USP49: variants seen among roughly 807,000 people sequenced by gnomAD.
USP49 encodes ubiquitin specific peptidase 49, also known as ubiquitin carboxyl-terminal hydrolase 49.
A neutral mutation model predicts 58.6 loss-of-function variants in USP49; 24 were observed. The ratio of observed to expected loss-of-function variants is 0.41; its 90% confidence interval spans 0.30 to 0.58. USP49 has a LOEUF of 0.58. USP49 is among the 20% of genes least tolerant of loss of function. The probability of loss-of-function intolerance (pLI) is 0.30; values close to 1 mark genes in which losing one functional copy is unlikely to be tolerated. For missense variants in USP49, 703 were observed against 866.1 expected (o/e 0.81, Z 2.36); for synonymous variants, 408 against 365.1 (o/e 1.12, Z -1.34).
chr6:41,862,809 T>C (rs1774246134), intron 3 of USP49, among the ~76,000 whole-genome samples: 1 of 152,230 alleles, frequency 6.6e-6, no homozygotes, highest in Non-Finnish European at 1.5e-5. Flanking sequence ...AGAGTCACTC[T>C]GTCGCCCAGA....
At chr6:41,862,353 G>A (rs576566371) in intron 3 of USP49, among the ~76,000 whole-genome samples, 1 of 152,120 alleles carries the variant, frequency 6.6e-6, no homozygotes, top group Non-Finnish European at 1.5e-5. Flanking sequence ...CTTTAAATAT[G>A]TTTCAATAGG....
intron 2 of USP49, among the ~76,000 whole-genome samples, chr6:41,872,675 G>C (rs1229605905): frequency 6.6e-6 from 1 of 151,142 alleles, no homozygotes; most frequent in African/African-American, 2.4e-5. Flanking sequence ...GAGACGGGCG[G>C]ATCATGAGGT....
chr6:41,854,040 G>A (rs1266704221), intron 3 of USP49, among the ~76,000 whole-genome samples: 1 of 147,664 alleles, frequency 6.8e-6, no homozygotes, highest in Non-Finnish European at 1.5e-5. Flanking sequence ...GGGTAGGCCA[G>A]GAGGGGTGGC....
chr6:41,881,609 T>C (rs1774610283), intron 2 of USP49, among the ~76,000 whole-genome samples: 1 of 152,136 alleles, frequency 6.6e-6, no homozygotes, highest in African/African-American at 2.4e-5. Flanking sequence ...GGCGTGGCTT[T>C]GTTTGAAAAA....
At chr6:41,890,109 T>C (rs1298350342) in intron 2 of USP49, among the ~76,000 whole-genome samples, 1 of 152,142 alleles carries the variant, frequency 6.6e-6, no homozygotes, top group Non-Finnish European at 1.5e-5. Flanking sequence ...AATGAGTGGA[T>C]CAGCTGGGCA....
intron 7 of USP49, chr6:41,798,305 G>T: frequency 5.4e-6 from 1 of 185,862 alleles, no homozygotes; most frequent in Non-Finnish European, 1.1e-5. Flanking sequence ...TAAGAGTCTT[G>T]CTCTGTCACC....
At chr6:41,874,970 A>AAG (rs1014925068) in intron 2 of USP49, among the ~76,000 whole-genome samples, 1 of 151,764 alleles carries the variant, frequency 6.6e-6, no homozygotes, top group South Asian at 2.1e-4. Context: ...TAAAAAAAGA[A>AAG]AGAGAGAGAG....
At chr6:41,819,918 T>C (rs968410661) in intron 3 of USP49, among the ~76,000 whole-genome samples, 1 of 152,196 alleles carries the variant, frequency 6.6e-6, no homozygotes, top group African/African-American at 2.4e-5. Flanking sequence ...AGGCTGCAGT[T>C]AGCCAAATCA....
intron 3 of USP49, among the ~76,000 whole-genome samples, chr6:41,812,102 G>A (rs888188965): frequency 4.6e-5 from 7 of 150,636 alleles, no homozygotes; most frequent in Non-Finnish European, 1.0e-4. Flanking sequence ...TTTTTCAGAC[G>A]GAGTTTCGCT....
At chr6:41,860,746 G>A (rs371582792) in intron 3 of USP49, among the ~76,000 whole-genome samples, 7 of 152,058 alleles carry the variant, frequency 4.6e-5, no homozygotes, top group South Asian at 2.1e-4. Context: ...TCCTCACCTC[G>A]TGATCCACCT....
chr6:41,882,584 T>C (rs1005584753), intron 2 of USP49, among the ~76,000 whole-genome samples: 7 of 152,048 alleles, frequency 4.6e-5, no homozygotes, highest in South Asian at 2.1e-4. Context: ...TAAAAAATGA[T>C]GGATGTGACT....
rs181613052 is a variant in USP49, at chr6:41,849,058, T to A, written c.-29+22506A>T. 5.2e-3 allele frequency among the ~76,000 whole-genome samples: 790 copies of A among 152,262 alleles called. 4 individuals carry two copies. Among genetic ancestry groups the A allele is most frequent in the South Asian group, 0.014 (66 of 4,832 alleles). ...CTGGAGTTAAAAAAGGATCCAACTA[T>A]ATGCTGTCTACAAGAGACTCACTTT... On this transcript the variant is annotated intron_variant, in intron 3 of 7. Transcript: ENST00000682992.
At chr6:41,800,255 C>A (rs1026303990) in intron 5 of USP49, among the ~76,000 whole-genome samples, 4 of 152,100 alleles carry the variant, frequency 2.6e-5, no homozygotes, top group African/African-American at 9.7e-5. Context: ...CCTCCTGGAC[C>A]AAAAGGTAAC....
intron 3 of USP49, among the ~76,000 whole-genome samples, chr6:41,828,648 G>A (rs1773583739): frequency 6.6e-6 from 1 of 152,156 alleles, no homozygotes; most frequent in Non-Finnish European, 1.5e-5. Flanking sequence ...CAGATGTGTT[G>A]TAAATATCCT....
chr6:41,853,058 C>A (rs140852043), intron 3 of USP49, among the ~76,000 whole-genome samples: 1 of 152,086 alleles, frequency 6.6e-6, no homozygotes, highest in Non-Finnish European at 1.5e-5. Flanking sequence ...TGGTGGCCTG[C>A]GCCTGTAATC....
At chr6:41,819,677 G>A (rs929984515) in intron 3 of USP49, among the ~76,000 whole-genome samples, 1 of 152,120 alleles carries the variant, frequency 6.6e-6, no homozygotes, top group African/African-American at 2.4e-5. Context: ...GGTGAAAACT[G>A]ACAGGAAATG....
rs933956389 is a variant in USP49, at chr6:41,792,142, C to T, written c.*4391G>A. 1.3e-5 allele frequency: 2 copies of T among 152,264 alleles called. No homozygotes were observed. The highest frequency in any genetic ancestry group is 4.1e-4 in the South Asian group (2 of 4,834). The allele number at this position is 152,264 out of a possible 1,614,324, so 9.4% of individuals were successfully genotyped here. A position where few individuals can be genotyped will look rare whatever the true frequency, so the allele number is the denominator to read the frequency against. On this transcript the variant is annotated 3_prime_UTR_variant, in exon 8 of 8. Coordinates refer to ENST00000682992, the MANE Select transcript of USP49 (RefSeq NM_001286554.2). ...ACTGGGTCTTAGCACCTTCCACATT[C>T]ACTCAGCGCCATCTCAGTCAGCGCC...
chr6:41,807,093 A>G, intron 3 of USP49, 82 bp from the exon 4 acceptor site: 3 of 1,224,928 alleles, frequency 2.4e-6, no homozygotes, highest in Non-Finnish European at 3.2e-6. Context: ...AAAAAAAAAA[A>G]GTAAAAGGCT....
chr6:41,819,234 T>C (rs947551606), intron 3 of USP49, among the ~76,000 whole-genome samples: 8 of 152,052 alleles, frequency 5.3e-5, no homozygotes, highest in African/African-American at 1.9e-4. Flanking sequence ...TCAAAGTCTT[T>C]TGTTTTATTT....
Sources: gnomAD v4.1 joint callset for allele counts (sites outside exome capture counted in the v4.1 genomes callset) on GRCh38, gnomAD v4.1.1 for gene constraint, MANE v1.5 for transcripts, NCBI Gene and HGNC (gene_info 2026-07-23, HGNC 2026-07-21) for gene names.